Variants in KCNJ6 observed in about 807,000 individuals in gnomAD.
The protein encoded by KCNJ6 is G protein-activated inward rectifier potassium channel 2.
A neutral mutation model predicts 34.2 loss-of-function variants in KCNJ6; 9 were observed. The ratio of observed to expected loss-of-function variants is 0.26; its 90% CI spans 0.16 to 0.46. The LOEUF (loss-of-function observed/expected upper bound fraction) is 0.46, where lower values mean the gene tolerates loss of function less well. Among genes scored for constraint, KCNJ6 ranks in the 20% least tolerant of loss-of-function variants. The pLI is 1.00. For missense variants in KCNJ6, 236 were observed against 531.3 expected, an observed-to-expected ratio of 0.44 and a Z score of 5.46; for synonymous variants, 196 against 207.1, an observed-to-expected ratio of 0.95 and a Z score of 0.46.
chr21:37,875,083 C>T (rs1008646408), intron 1 of KCNJ6, among the ~76,000 whole-genome samples: 1 of 152,200 alleles, frequency 6.6e-6, no homozygotes, highest in African/African-American at 2.4e-5. Flanking sequence ...GAGAGCAGGG[C>T]TGTCTCATGG....
At chr21:37,792,038 A>G (rs1262033848) in intron 2 of KCNJ6, among the ~76,000 whole-genome samples, 16 of 152,240 alleles carry the variant, frequency 1.1e-4, no homozygotes, top group Non-Finnish European at 2.4e-4. Flanking sequence ...GAGAGATGTG[A>G]CTTTCTCCAT....
At chr21:37,631,457 G>C (rs1248528809) in intron 3 of KCNJ6, among the ~76,000 whole-genome samples, 1 of 152,086 alleles carries the variant, frequency 6.6e-6, no homozygotes, top group Non-Finnish European at 1.5e-5. Context: ...GAGCCTTCTG[G>C]GGCTGGTGAA....
chr21:37,664,325 G>T (rs1004857830), intron 3 of KCNJ6, among the ~76,000 whole-genome samples: 1 of 151,940 alleles, frequency 6.6e-6, no homozygotes, highest in Admixed American at 6.6e-5. Context: ...CAGAGAAAAA[G>T]AAATAAAGAG....
intron 1 of KCNJ6, among the ~76,000 whole-genome samples, chr21:37,894,394 G>A (rs2055777675): frequency 1.3e-5 from 2 of 152,344 alleles, no homozygotes; most frequent in South Asian, 4.1e-4. Context: ...GCTGGGTGTG[G>A]TGGCTCACGC....
chr21:37,645,099 G>GT (rs1469555448), intron 3 of KCNJ6, among the ~76,000 whole-genome samples: 1 of 151,922 alleles, frequency 6.6e-6, no homozygotes, highest in East Asian at 1.9e-4. Context: ...ACAAGGCTGG[G>GT]TATGGTGGCT....
chr21:37,867,102 T>C (rs754634074), intron 1 of KCNJ6, among the ~76,000 whole-genome samples: 8 of 152,242 alleles, frequency 5.3e-5, no homozygotes, highest in Non-Finnish European at 8.8e-5. Flanking sequence ...TCCATAGAAA[T>C]GTGCCATTCT....
intron 1 of KCNJ6, 29 bp downstream of exon 1, chr21:37,915,852 CTCG>C (rs1366762167): frequency 6.6e-6 from 1 of 152,304 alleles, no homozygotes; most frequent in Admixed American, 6.5e-5. Context: ...ACGCCAGCTC[CTCG>C]CCTGCGAGCA....
At chr21:37,787,358 A>C (rs1006154744) in intron 2 of KCNJ6, among the ~76,000 whole-genome samples, 1 of 152,200 alleles carries the variant, frequency 6.6e-6, no homozygotes, top group African/African-American at 2.4e-5. Flanking sequence ...ACATCCCTGG[A>C]CACACAGTGA....
chr21:37,786,140 C>T (rs2055191558), intron 2 of KCNJ6, among the ~76,000 whole-genome samples: 1 of 152,216 alleles, frequency 6.6e-6, no homozygotes, highest in Non-Finnish European at 1.5e-5. Flanking sequence ...CAATATTAAT[C>T]AGATGAAGTT....
chr21:37,887,008 A>C (rs562700294), intron 1 of KCNJ6, among the ~76,000 whole-genome samples: 2 of 133,352 alleles, frequency 1.5e-5, no homozygotes, highest in African/African-American at 2.9e-5. Context: ...TGGGCCATCC[A>C]CCCCCACTCC....
intron 3 of KCNJ6, among the ~76,000 whole-genome samples, chr21:37,655,034 C>A (rs920006398): frequency 6.6e-6 from 1 of 151,974 alleles, no homozygotes; most frequent in African/African-American, 2.4e-5. Context: ...AGAGGTGGAC[C>A]GAGACAGAGG....
chr21:37,864,882 T>A (rs1232702709), intron 1 of KCNJ6, among the ~76,000 whole-genome samples: 2 of 151,932 alleles, frequency 1.3e-5, no homozygotes, highest in Non-Finnish European at 2.9e-5. Context: ...TTTTTTTTTT[T>A]TTTTTTGAGA....
chr21:37,845,839 C>T (rs988051525), intron 1 of KCNJ6, among the ~76,000 whole-genome samples: 1 of 152,134 alleles, frequency 6.6e-6, no homozygotes, highest in African/African-American at 2.4e-5. Context: ...TTTCCACACC[C>T]CTGCTCCAGA....
At position 37,623,082 on chromosome 21, in the gene KCNJ6, G is replaced by A. The variant is rs986045048; in HGVS notation, c.*2077C>T. ...CTTAGAGTGTGCGAAATAAAGAAAT[G>A]ATTCAACAGAGATTCAATGCAAAAA... On this transcript the variant is annotated 3_prime_UTR_variant, in exon 4 of 4. Coordinates refer to ENST00000609713, the MANE Select transcript of KCNJ6 (RefSeq NM_002240.5). 9 of 152,206 alleles carry A rather than the reference G, an allele frequency of 5.9e-5. No individual in the cohort carries two copies. Among genetic ancestry groups the A allele is most frequent in the African/African-American group, 2.2e-4 (9 of 41,426 alleles). The allele number at this position is 152,206 out of a possible 1,614,324, so 9.4% of individuals were successfully genotyped here.
intron 1 of KCNJ6, among the ~76,000 whole-genome samples, chr21:37,880,570 G>A (rs2055702591): frequency 6.6e-6 from 1 of 152,238 alleles, no homozygotes; most frequent in Admixed American, 6.5e-5. Flanking sequence ...ATTCCCAAGA[G>A]TGAGGGAGGA....
intron 2 of KCNJ6, among the ~76,000 whole-genome samples, chr21:37,718,669 G>A (rs2054807471): frequency 1.3e-5 from 2 of 152,056 alleles, no homozygotes; most frequent in African/African-American, 4.8e-5. Flanking sequence ...CCTGTTAGGG[G>A]GTGGGGGATT....
intron 2 of KCNJ6, among the ~76,000 whole-genome samples, chr21:37,834,413 G>A (rs1313728615): frequency 6.6e-6 from 1 of 152,224 alleles, no homozygotes; most frequent in Admixed American, 6.5e-5. Context: ...ACTGGGGTCT[G>A]TAAAAGGAAA....
chr21:37,742,235 G>A (rs899810160), intron 2 of KCNJ6, among the ~76,000 whole-genome samples: 1 of 152,202 alleles, frequency 6.6e-6, no homozygotes, highest in Non-Finnish European at 1.5e-5. Context: ...AGAAGTTATT[G>A]TTTAGCTTTC....
intron 3 of KCNJ6, among the ~76,000 whole-genome samples, chr21:37,712,520 CCT>C (rs2054760218): frequency 2.1e-5 from 2 of 93,318 alleles, no homozygotes; most frequent in African/African-American, 8.9e-5. Context: ...TCCTCTCCTT[CCT>C]CCCTTTCTCT....
Sources: gnomAD v4.1 joint callset for allele counts (sites outside exome capture counted in the v4.1 genomes callset) on GRCh38, gnomAD v4.1.1 for gene constraint, MANE v1.5 for transcripts, NCBI Gene and HGNC (gene_info 2026-07-23, HGNC 2026-07-21) for gene names.